DNAH14: variants seen among roughly 807,000 people sequenced by gnomAD.
The protein encoded by DNAH14 is axonemal beta dynein heavy chain 14.
DNAH14 carries 478 observed loss-of-function variants against 520.9 expected under a neutral mutation model. The observed-to-expected ratio is 0.92, with a 90% CI of 0.85 to 0.99. DNAH14 has a LOEUF of 0.99. Among genes scored for constraint, DNAH14 ranks in the 50% least tolerant of loss-of-function variants. The pLI, the probability that DNAH14 is intolerant of heterozygous loss-of-function variation, is 0.00. For missense variants in DNAH14, 4,831 were observed against 5,234.5 expected, an observed-to-expected ratio of 0.92 and a Z score of 2.38; for synonymous variants, 1,581 against 1,757.2, an observed-to-expected ratio of 0.90 and a Z score of 2.51.
chr1:224,972,805 T>G (rs2125637434), intron 7 of DNAH14, among the ~76,000 whole-genome samples: 1 of 152,314 alleles, frequency 6.6e-6, no homozygotes, highest in East Asian at 1.9e-4. Flanking sequence ...CTTAGATCAC[T>G]ATATTATAAA....
chr1:225,260,434 A>G (rs543642600), intron 46 of DNAH14, among the ~76,000 whole-genome samples: 1 of 152,218 alleles, frequency 6.6e-6, no homozygotes, highest in East Asian at 1.9e-4. Flanking sequence ...GCTGCAATGA[A>G]CACAGGAGTG....
At chr1:225,374,480 C>T (rs1047698627) in intron 77 of DNAH14, among the ~76,000 whole-genome samples, 7 of 151,358 alleles carry the variant, frequency 4.6e-5, no homozygotes, top group African/African-American at 1.7e-4. Context: ...AGGCTGGTCT[C>T]GAACTCCTGA....
intron 36 of DNAH14, among the ~76,000 whole-genome samples, chr1:225,168,357 C>T (rs577058849): frequency 4.9e-4 from 75 of 152,308 alleles, no homozygotes; most frequent in African/African-American, 1.8e-3. Flanking sequence ...CGAGGCATCG[C>T]CTCACCCAGG....
intron 59 of DNAH14, 106 bp from the exon 60 acceptor site, chr1:225,308,179 T>G: frequency 8.4e-7 from 1 of 1,197,370 alleles, no homozygotes; most frequent in Non-Finnish European, 1.2e-6. Flanking sequence ...TTCAGGCTGA[T>G]TTTAGTAAAC....
chr1:225,104,341 A>C (rs1042007724), intron 23 of DNAH14, among the ~76,000 whole-genome samples: 1 of 152,168 alleles, frequency 6.6e-6, no homozygotes, highest in African/African-American at 2.4e-5. Flanking sequence ...TTGGTCTAAA[A>C]TTCTCTTTTT....
intron 35 of DNAH14, among the ~76,000 whole-genome samples, chr1:225,166,032 C>T (rs955519439): frequency 4.1e-5 from 6 of 148,088 alleles, no homozygotes; most frequent in Admixed American, 2.1e-4. Flanking sequence ...TGAGAATTTT[C>T]ATTTTTTTTT....
At chr1:225,121,844 TTAAA>T (rs1201181074) in intron 26 of DNAH14, among the ~76,000 whole-genome samples, 1 of 151,378 alleles carries the variant, frequency 6.6e-6, no homozygotes. Flanking sequence ...CCATCTCAAA[TTAAA>T]TAAATAAATA....
At chr1:225,020,744 C>G (rs1218532496) in intron 10 of DNAH14, among the ~76,000 whole-genome samples, 1 of 152,094 alleles carries the variant, frequency 6.6e-6, no homozygotes, top group Non-Finnish European at 1.5e-5. Flanking sequence ...ACGCAAAGAG[C>G]TAGTACCAAT....
In DNAH14 at chr1:224,960,233, AG is replaced by A; in HGVS notation, c.299del (p.Arg100LysfsTer30). 1.2e-6 allele frequency: 2 copies of A among 1,611,974 alleles called. No homozygotes were observed. The highest frequency in any genetic ancestry group is 2.2e-5 in the South Asian group (2 of 90,806). On this transcript the variant is annotated frameshift_variant, in exon 4 of 86. Coordinates refer to ENST00000682510, the MANE Select transcript of DNAH14 (RefSeq NM_001367479.1). LOFTEE classifies it high-confidence loss of function. ...ASLKEKGKSRRKKDQTHACPN... is the reference protein window; with the variant it reads ...ASLKEKGKSRXKKDQTHACPN... ...CCTTAAGGAGAAAGGGAAGTCAAGG[AG>A]AAAAAAGGATCAAACTCATGCTTGT... is the stretch of plus-strand genomic sequence containing the variant.
chr1:225,384,691 C>T (rs571060154), intron 81 of DNAH14, among the ~76,000 whole-genome samples: 43 of 152,256 alleles, frequency 2.8e-4, no homozygotes, highest in Admixed American at 6.5e-4. Flanking sequence ...GAAGTTAAAT[C>T]CCTGAATAGA....
At chr1:225,129,907 G>A (rs1288109979) in intron 27 of DNAH14, among the ~76,000 whole-genome samples, 2 of 152,122 alleles carry the variant, frequency 1.3e-5, no homozygotes, top group Non-Finnish European at 2.9e-5. Context: ...GAAAATTTTT[G>A]CAACCTACTC....
chr1:224,971,486 G>C (rs994554070), intron 7 of DNAH14, among the ~76,000 whole-genome samples: 1 of 152,026 alleles, frequency 6.6e-6, no homozygotes, highest in Non-Finnish European at 1.5e-5. Context: ...AAAATATACA[G>C]GTTTCTGTTC....
At position 225,097,293 on chromosome 1, in the gene DNAH14, T is replaced by C. The variant is rs2075072598; in HGVS notation, c.3695+54T>C. 2.1e-6 allele frequency: 3 copies of C among 1,452,574 alleles called. No homozygotes were observed. The African/African-American group carries it at 4.3e-5, about 21-fold the overall frequency. 90.0% of individuals were successfully genotyped at this position (1,452,574 alleles called of 1,614,324 possible). On this transcript the variant is annotated intron_variant, in intron 22 of 85. Transcript: ENST00000682510. ...GGTTCAAAATGCATTGTGAGTAATTTATTTTCTTTAATTCTTGAGAAATCA... is the reference window on the plus strand; with the variant it reads ...GGTTCAAAATGCATTGTGAGTAATTCATTTTCTTTAATTCTTGAGAAATCA...
At chr1:225,349,835 G>A (rs1268038432) in intron 71 of DNAH14, among the ~76,000 whole-genome samples, 1 of 152,094 alleles carries the variant, frequency 6.6e-6, no homozygotes, top group Non-Finnish European at 1.5e-5. Context: ...AAATAAGACA[G>A]CGACCCAATA....
chr1:225,049,819 A>C (rs987940446), intron 15 of DNAH14, among the ~76,000 whole-genome samples: 11 of 149,604 alleles, frequency 7.4e-5, no homozygotes, highest in Admixed American at 4.6e-4. Flanking sequence ...TCAATCATCT[A>C]TCTATGCCTG....
chr1:224,951,458 C>A (rs113545286), intron 1 of DNAH14, among the ~76,000 whole-genome samples: 1 of 150,838 alleles, frequency 6.6e-6, no homozygotes, highest in Admixed American at 6.6e-5. Context: ...TTCATCTTAT[C>A]TCCAGTTATG....
chr1:224,982,118 G>A (rs1351041941), intron 8 of DNAH14, among the ~76,000 whole-genome samples: 1 of 152,032 alleles, frequency 6.6e-6, no homozygotes, highest in African/African-American at 2.4e-5. Context: ...CCCCCTACTG[G>A]TGTTTACTTT....
At chr1:225,343,324 C>T (rs1003917329) in intron 69 of DNAH14, among the ~76,000 whole-genome samples, 1 of 152,152 alleles carries the variant, frequency 6.6e-6, no homozygotes, top group Non-Finnish European at 1.5e-5. Context: ...CATACAACTG[C>T]CTTAGTTTGG....
chr1:225,379,765 T>A lies in DNAH14; in HGVS notation c.12717-394T>A, dbSNP rs553398000. 3.9e-5 allele frequency among the ~76,000 whole-genome samples: 6 copies of A among 152,308 alleles called. No individual in the cohort carries two copies. In the East Asian group the frequency reaches 1.2e-3, roughly 29 times the overall value. ...GTCTCAAACTCCTGACCTCAAGTGATCTGTCTGCCTCGGCCTCCCAAATTG... is the reference window on the plus strand; with the variant it reads ...GTCTCAAACTCCTGACCTCAAGTGAACTGTCTGCCTCGGCCTCCCAAATTG... On this transcript the variant is annotated intron_variant, in intron 79 of 85. Coordinates refer to ENST00000682510, the MANE Select transcript of DNAH14 (RefSeq NM_001367479.1).
Sources: allele counts gnomAD v4.1 joint callset (sites outside exome capture counted in the v4.1 genomes callset), GRCh38; gene constraint gnomAD v4.1.1; transcripts MANE v1.5; gene names NCBI Gene and HGNC (gene_info 2026-07-23, HGNC 2026-07-21).